The following PLXDC2 variants were observed in gnomAD, a reference collection of about 807,000 sequenced individuals.
PLXDC2 encodes the protein plexin domain-containing protein 2.
A neutral mutation model predicts 68.9 loss-of-function variants in PLXDC2; 40 were observed. That is an observed-to-expected ratio of 0.58 (90% CI 0.45 to 0.76). The LOEUF is 0.76. Among genes scored for constraint, PLXDC2 ranks in the 30% least tolerant of loss-of-function variants. The pLI is 0.00. For synonymous variants in PLXDC2, 243 were observed against 234.2 expected, an observed-to-expected ratio of 1.04 and a Z score of -0.34; for missense variants, 644 against 661.9, an observed-to-expected ratio of 0.97 and a Z score of 0.30.
At chr10:20,211,236 G>C (rs1363869449) in intron 9 of PLXDC2, among the ~76,000 whole-genome samples, 1 of 151,824 alleles carries the variant, frequency 6.6e-6, no homozygotes. Context: ...GGTGGGTCTT[G>C]AATGAATGAG....
chr10:20,176,762 T>C (rs921642356), intron 7 of PLXDC2, among the ~76,000 whole-genome samples: 2 of 152,108 alleles, frequency 1.3e-5, no homozygotes, highest in African/African-American at 2.4e-5. Context: ...GAAGCCTTAA[T>C]AGGTAAGTGA....
chr10:20,020,610 C>A (rs1835291748), intron 2 of PLXDC2, among the ~76,000 whole-genome samples: 1 of 151,984 alleles, frequency 6.6e-6, no homozygotes, highest in South Asian at 2.1e-4. Flanking sequence ...TATCTCCGTT[C>A]ATGATCTATT....
intron 9 of PLXDC2, among the ~76,000 whole-genome samples, chr10:20,206,199 C>A (rs1368375624): frequency 6.6e-6 from 1 of 151,964 alleles, no homozygotes; most frequent in African/African-American, 2.4e-5. Flanking sequence ...AGAAAAATAA[C>A]TTATCTAAGA....
At chr10:20,168,779 A>G (rs1248078271) in intron 7 of PLXDC2, among the ~76,000 whole-genome samples, 3 of 152,212 alleles carry the variant, frequency 2.0e-5, no homozygotes, top group Non-Finnish European at 4.4e-5. Flanking sequence ...AGCATAGCAC[A>G]TTATAATTCT....
intron 1 of PLXDC2, among the ~76,000 whole-genome samples, chr10:19,855,979 C>A (rs947386144): frequency 2.6e-5 from 4 of 152,086 alleles, no homozygotes; most frequent in African/African-American, 9.7e-5. Flanking sequence ...CCTGTAATCC[C>A]AGCTACTTGG....
At chr10:19,854,164 C>T (rs991282801) in intron 1 of PLXDC2, among the ~76,000 whole-genome samples, 1 of 152,176 alleles carries the variant, frequency 6.6e-6, no homozygotes, top group Admixed American at 6.5e-5. Flanking sequence ...GGGGGCTGCT[C>T]TCCCCTGCAG....
chr10:19,923,103 C>G (rs750591146), intron 1 of PLXDC2, among the ~76,000 whole-genome samples: 4 of 151,938 alleles, frequency 2.6e-5, no homozygotes, highest in Non-Finnish European at 5.9e-5. Context: ...ATAAGCTGTT[C>G]AGGGCTTTAT....
Position 20,164,527 on chromosome 10 carries a change from C to T in PLXDC2, c.843C>T (p.Ser281=), listed in dbSNP as rs777983143. Residue 281 remains serine (S), a synonymous_variant, in exon 7 of 14, where the codon TCC becomes TCT. Coordinates refer to ENST00000377252, the MANE Select transcript of PLXDC2 (RefSeq NM_032812.9). ...STNHPVKVGL[S]DAFVVVHRIQ... ...ATCATCCAGTGAAAGTCGGACTGTC[C>T]GATGCATTTGTCGTTGTCCACAGGA... The T allele has an allele frequency of 8.2e-5, 132 of 1,613,464 alleles. No homozygotes were observed. The highest frequency in any genetic ancestry group is 1.6e-4 in the Middle Eastern group (1 of 6,076).
At chr10:20,044,211 GTCTTTCTTTCTTTCTTTCTTTCTTTCTT>G (rs1226746835) in intron 2 of PLXDC2, among the ~76,000 whole-genome samples, 2,593 of 68,570 alleles carry the variant, frequency 0.038, 95 homozygotes, top group Middle Eastern at 0.086. Flanking sequence ...CTCTCTCTCT[GTCTTTCTTTCTTTCTTTCTTTCTTTCTT>G]TCTTTCTTTC....
chr10:19,824,101 A>G (rs546365895), intron 1 of PLXDC2, among the ~76,000 whole-genome samples: 22 of 152,338 alleles, frequency 1.4e-4, no homozygotes, highest in African/African-American at 4.6e-4. Context: ...TCTGCTCCCC[A>G]AGATATTATG....
intron 4 of PLXDC2, among the ~76,000 whole-genome samples, chr10:20,093,735 G>A (rs778311196): frequency 6.6e-5 from 10 of 152,236 alleles, no homozygotes; most frequent in South Asian, 2.1e-4. Flanking sequence ...GTGTAGTGGC[G>A]CGGTCTCAGC....
At chr10:20,178,842 G>A (rs1401518182) in intron 9 of PLXDC2, among the ~76,000 whole-genome samples, 2 of 151,956 alleles carry the variant, frequency 1.3e-5, no homozygotes, top group African/African-American at 4.8e-5. Context: ...TTTCCTTTGT[G>A]AAATTAATTC....
At chr10:20,091,248 A>C (rs549408474) in intron 4 of PLXDC2, among the ~76,000 whole-genome samples, 15 of 152,200 alleles carry the variant, frequency 9.9e-5, no homozygotes, top group African/African-American at 3.6e-4. Flanking sequence ...CACCACCAGC[A>C]TACCTTTCCC....
Position 20,050,058 on chromosome 10 carries a change from A to T in PLXDC2, c.471+3043A>T, listed in dbSNP as rs145526377. ...ATAGAGAGCCCAGAAATAAGGCCAC[A>T]TACCTATGACCATCAGACCTTCAAC... On this transcript the variant is annotated intron_variant, in intron 3 of 13. Coordinates refer to ENST00000377252, the MANE Select transcript of PLXDC2 (RefSeq NM_032812.9). Among the ~76,000 whole-genome samples the T allele has an allele frequency of 2.5e-3, 374 of 152,278 alleles. 2 individuals are homozygous for T. The highest frequency in any genetic ancestry group is 8.5e-3 in the African/African-American group (355 of 41,560).
At chr10:19,932,728 A>G (rs1833660314) in intron 1 of PLXDC2, among the ~76,000 whole-genome samples, 1 of 149,670 alleles carries the variant, frequency 6.7e-6, no homozygotes, top group Non-Finnish European at 1.5e-5. Context: ...TGCAGAAGCT[A>G]AAGTCAGAAT....
intron 1 of PLXDC2, among the ~76,000 whole-genome samples, chr10:19,960,812 G>T (rs1221777672): frequency 6.6e-6 from 1 of 152,032 alleles, no homozygotes; most frequent in African/African-American, 2.4e-5. Context: ...GAGCAATATT[G>T]CTATTTGCAT....
intron 1 of PLXDC2, among the ~76,000 whole-genome samples, chr10:19,845,192 A>G (rs1046752988): frequency 1.3e-5 from 2 of 152,140 alleles, no homozygotes; most frequent in Non-Finnish European, 2.9e-5. Flanking sequence ...ACCAAGTCTG[A>G]AATTCTCACC....
At chr10:20,151,280 G>A (rs141223655) in intron 6 of PLXDC2, among the ~76,000 whole-genome samples, 118 of 152,306 alleles carry the variant, frequency 7.7e-4, no homozygotes, top group African/African-American at 2.3e-3. Flanking sequence ...AGTAGTTTGC[G>A]TAATGTATTA....
At chr10:19,853,456 A>C (rs933510550) in intron 1 of PLXDC2, among the ~76,000 whole-genome samples, 1 of 151,714 alleles carries the variant, frequency 6.6e-6, no homozygotes, top group African/African-American at 2.4e-5. Context: ...AGGTCTCGCT[A>C]TGTTGCCAAG....
Sources: allele counts gnomAD v4.1 joint callset (sites outside exome capture counted in the v4.1 genomes callset), GRCh38; gene constraint gnomAD v4.1.1; transcripts MANE v1.5; gene names NCBI Gene and HGNC (gene_info 2026-07-23, HGNC 2026-07-21).